The following PRKD1 variants were observed in gnomAD, a reference collection of about 807,000 sequenced individuals.
PRKD1 encodes the protein protein kinase D1, also known as serine/threonine-protein kinase D1.
A neutral mutation model predicts 95.9 loss-of-function variants in PRKD1; 63 were observed. The observed-to-expected ratio is 0.66, with a 90% CI of 0.54 to 0.81. PRKD1 has a LOEUF of 0.81. Among genes scored for constraint, PRKD1 ranks in the 30% least tolerant of loss-of-function variants. The pLI is 0.00. For synonymous variants in PRKD1, 425 were observed against 423.1 expected, an observed-to-expected ratio of 1.00 and a Z score of -0.05; for missense variants, 1,048 against 1,165.3, an observed-to-expected ratio of 0.90 and a Z score of 1.47.
intron 1 of PRKD1, among the ~76,000 whole-genome samples, chr14:29,785,854 TAAATA>T (rs1352214141): frequency 7.0e-6 from 1 of 143,238 alleles, no homozygotes; most frequent in African/African-American, 2.6e-5. Context: ...AATAAATAAA[TAAATA>T]AAAGTTTGGT....
At chr14:29,660,033 T>A (rs1882104923) in intron 4 of PRKD1, among the ~76,000 whole-genome samples, 2 of 152,236 alleles carry the variant, frequency 1.3e-5, no homozygotes, top group Admixed American at 6.5e-5. Context: ...TTCTTGTAGA[T>A]ATACTTTCTG....
chr14:29,903,641 A>C (rs1017351987), intron 1 of PRKD1, among the ~76,000 whole-genome samples: 1 of 152,288 alleles, frequency 6.6e-6, no homozygotes, highest in East Asian at 1.9e-4. Flanking sequence ...AAGACTCAAA[A>C]CCCTGGATTA....
At chr14:29,918,265 G>A (rs1481064514) in intron 1 of PRKD1, among the ~76,000 whole-genome samples, 1 of 151,882 alleles carries the variant, frequency 6.6e-6, no homozygotes, top group Non-Finnish European at 1.5e-5. Flanking sequence ...TGCTGGGGAG[G>A]GAGAAAGAAT....
At chr14:29,888,554 C>T (rs553997655) in intron 1 of PRKD1, among the ~76,000 whole-genome samples, 1 of 152,126 alleles carries the variant, frequency 6.6e-6, no homozygotes. Context: ...GTCAAACCTA[C>T]ATGATATAAT....
At chr14:29,888,222 T>G (rs954948987) in intron 1 of PRKD1, among the ~76,000 whole-genome samples, 2 of 151,802 alleles carry the variant, frequency 1.3e-5, no homozygotes, top group African/African-American at 4.8e-5. Context: ...GAGGATCACT[T>G]AAGCCCAGGA....
chr14:29,642,610 G>T (rs2139149870), intron 4 of PRKD1, among the ~76,000 whole-genome samples: 1 of 152,200 alleles, frequency 6.6e-6, no homozygotes, highest in African/African-American at 2.4e-5. Context: ...AAGTTTATAA[G>T]TTATAACAAC....
At chr14:29,868,272 A>T (rs1232723722) in intron 1 of PRKD1, among the ~76,000 whole-genome samples, 1 of 152,196 alleles carries the variant, frequency 6.6e-6, no homozygotes, top group Non-Finnish European at 1.5e-5. Flanking sequence ...GTTTGCAATC[A>T]CTATAGGAAC....
At chr14:29,839,268 C>T (rs1358558572) in intron 1 of PRKD1, among the ~76,000 whole-genome samples, 1 of 152,182 alleles carries the variant, frequency 6.6e-6, no homozygotes, top group Non-Finnish European at 1.5e-5. Flanking sequence ...TCAGCTACAG[C>T]CAATGGCAGA....
chr14:29,597,379 C>T (rs1720547103), intron 16 of PRKD1, 112 bp downstream of exon 16: 1 of 1,139,186 alleles, frequency 8.8e-7, no homozygotes, highest in South Asian at 2.2e-5. Context: ...CTCTGGTGGG[C>T]ACTTTACAAT....
intron 1 of PRKD1, among the ~76,000 whole-genome samples, chr14:29,831,495 G>A (rs1457043786): frequency 6.9e-6 from 1 of 145,684 alleles, no homozygotes; most frequent in Non-Finnish European, 1.5e-5. Flanking sequence ...TTGAGATGGA[G>A]TCTTGTTCTG....
intron 1 of PRKD1, among the ~76,000 whole-genome samples, chr14:29,834,608 T>C (rs1891540722): frequency 1.3e-5 from 2 of 152,062 alleles, no homozygotes; most frequent in Non-Finnish European, 2.9e-5. Context: ...AATAATAATT[T>C]TTCTCCCCAT....
chr14:29,592,804 A>G (rs905248596), intron 16 of PRKD1: 8 of 152,210 alleles, frequency 5.3e-5, no homozygotes, highest in Non-Finnish European at 2.9e-5. Context: ...TAAATGGTAC[A>G]GCTTGCAACT....
At chr14:29,585,857 G>A (rs995962508) in intron 16 of PRKD1, among the ~76,000 whole-genome samples, 2 of 152,218 alleles carry the variant, frequency 1.3e-5, no homozygotes, top group Non-Finnish European at 2.9e-5. Context: ...CAAAGGTCAA[G>A]TGAAAATCCT....
rs529310606 is a variant in PRKD1, at chr14:29,883,971, A to C, written c.264+43278T>G. 1.6e-4 allele frequency among the ~76,000 whole-genome samples: 25 copies of C among 152,296 alleles called. No homozygotes were observed. The East Asian group carries it at 4.8e-3, about 29-fold the overall frequency. ...CCCATATGGTTGACCTTCTAATTTC[A>C]ATGAGAGCATCATCTGCAGAGATGA... On this transcript the variant is annotated intron_variant, in intron 1 of 17. Transcript: ENST00000331968.
chr14:29,781,629 T>G (rs1889048716), intron 1 of PRKD1, among the ~76,000 whole-genome samples: 1 of 152,220 alleles, frequency 6.6e-6, no homozygotes, highest in South Asian at 2.1e-4. Context: ...CTGAAGTCTC[T>G]CCTTCAAAAG....
intron 1 of PRKD1, among the ~76,000 whole-genome samples, chr14:29,926,992 A>G (rs1895323247): frequency 6.6e-6 from 1 of 151,882 alleles, no homozygotes; most frequent in Non-Finnish European, 1.5e-5. Context: ...AAGGATGGAA[A>G]TGGGTGAGGA....
At chr14:29,623,893 T>C (rs1289450171) in intron 13 of PRKD1, among the ~76,000 whole-genome samples, 1 of 152,168 alleles carries the variant, frequency 6.6e-6, no homozygotes, top group African/African-American at 2.4e-5. Context: ...TATGAGCAAA[T>C]GCTGAAATAT....
At chr14:29,796,456 T>C (rs796835562) in intron 1 of PRKD1, among the ~76,000 whole-genome samples, 30 of 152,264 alleles carry the variant, frequency 2.0e-4, no homozygotes, top group African/African-American at 7.0e-4. Flanking sequence ...GGAAAATTGA[T>C]TGTTTTGAAG....
chr14:29,774,230 GA>G (rs1203124694), intron 1 of PRKD1, among the ~76,000 whole-genome samples: 2 of 152,248 alleles, frequency 1.3e-5, no homozygotes, highest in Non-Finnish European at 2.9e-5. Context: ...TGCACTTGAA[GA>G]GGGAGGATGG....
Sources: gnomAD v4.1 joint callset for allele counts (sites outside exome capture counted in the v4.1 genomes callset) on GRCh38, gnomAD v4.1.1 for gene constraint, MANE v1.5 for transcripts, NCBI Gene and HGNC (gene_info 2026-07-23, HGNC 2026-07-21) for gene names.